The following PRKCE variants were observed in gnomAD, a reference collection of about 807,000 sequenced individuals.
PRKCE encodes protein kinase C epsilon, also known as protein kinase C epsilon type.
PRKCE carries 16 observed loss-of-function variants against 85.4 expected under a neutral mutation model. The observed-to-expected ratio is 0.19, with a 90% CI of 0.13 to 0.28. The LOEUF (loss-of-function observed/expected upper bound fraction) is 0.28, where lower values mean the gene tolerates loss of function less well. PRKCE is among the 10% of genes least tolerant of loss of function. The pLI, the probability that PRKCE is intolerant of heterozygous loss-of-function variation, is 1.00. For synonymous variants in PRKCE, 388 were observed against 371.5 expected, an observed-to-expected ratio of 1.04 and a Z score of -0.51; for missense variants, 573 against 975.2, an observed-to-expected ratio of 0.59 and a Z score of 5.49.
chr2:45,996,822 A>G (rs1704260138), intron 6 of PRKCE, among the ~76,000 whole-genome samples: 1 of 152,184 alleles, frequency 6.6e-6, no homozygotes, highest in Non-Finnish European at 1.5e-5. Context: ...CTTTGATATT[A>G]TGGTAATGGT....
At chr2:46,003,679 G>T (rs1375842515) in intron 7 of PRKCE, among the ~76,000 whole-genome samples, 1 of 152,218 alleles carries the variant, frequency 6.6e-6, no homozygotes, top group East Asian at 1.9e-4. Context: ...ACATTGCTTT[G>T]CATGAGATAA....
chr2:45,951,824 CTTTTG>C lies in PRKCE; in HGVS notation c.413-24585_413-24581del, dbSNP rs1030582106. Among the ~76,000 whole-genome samples, 13 of 152,276 alleles carry C rather than the reference CTTTTG, an allele frequency of 8.5e-5. No individual in the cohort carries two copies. The East Asian group carries it at 9.7e-4, about 11-fold the overall frequency. The stretch of plus-strand genomic sequence containing the variant: ...CTCAGTTGATCCAGACTCTCAGACT[CTTTTG>C]TTTTGTTTTGTTTTGTTTTTTGAGA... On this transcript the variant is annotated intron_variant, in intron 2 of 14. Coordinates refer to ENST00000306156, the MANE Select transcript of PRKCE (RefSeq NM_005400.3).
At chr2:45,737,786 G>T (rs1289725040) in intron 1 of PRKCE, among the ~76,000 whole-genome samples, 2 of 152,060 alleles carry the variant, frequency 1.3e-5, no homozygotes, top group Non-Finnish European at 1.5e-5. Context: ...TCCACCTGGG[G>T]CCTAAGACTC....
At chr2:46,069,011 A>C (rs1485951407) in intron 10 of PRKCE, among the ~76,000 whole-genome samples, 2 of 152,212 alleles carry the variant, frequency 1.3e-5, no homozygotes, top group Non-Finnish European at 2.9e-5. Flanking sequence ...GGAGTCCAGG[A>C]ATTATGCTAT....
chr2:45,988,786 A>G (rs1461695607), intron 6 of PRKCE, among the ~76,000 whole-genome samples: 1 of 152,224 alleles, frequency 6.6e-6, no homozygotes, highest in African/African-American at 2.4e-5. Flanking sequence ...CAGGAGCAGC[A>G]TCGCTAGTCT....
At chr2:45,803,187 A>G (rs1367932993) in intron 1 of PRKCE, among the ~76,000 whole-genome samples, 3 of 152,254 alleles carry the variant, frequency 2.0e-5, no homozygotes, top group Non-Finnish European at 2.9e-5. Context: ...AGCTTTGAAG[A>G]AAAAGGAGAA....
chr2:45,983,103 C>G lies in PRKCE; in HGVS notation c.694-1448C>G, dbSNP rs375476230. 1.3e-4 allele frequency among the ~76,000 whole-genome samples: 20 copies of G among 152,358 alleles called. 2 individuals are homozygous for G. Among genetic ancestry groups the G allele is most frequent in the African/African-American group, 4.8e-4 (20 of 41,580 alleles). The stretch of plus-strand genomic sequence containing the variant: ...GTGAGTATAGTTGTTTTCAGTAGAG[C>G]TGACATTCTTGTTCCCAGGCAAGAC... On this transcript the variant is annotated intron_variant, in intron 5 of 14. Coordinates refer to ENST00000306156, the MANE Select transcript of PRKCE (RefSeq NM_005400.3).
At chr2:45,725,730 C>T (rs907699507) in intron 1 of PRKCE, among the ~76,000 whole-genome samples, 2 of 151,944 alleles carry the variant, frequency 1.3e-5, no homozygotes, top group African/African-American at 4.8e-5. Context: ...ACTTGGGAGG[C>T]TGAGGCAGGA....
At chr2:46,054,787 G>A (rs1666399414) in intron 10 of PRKCE, among the ~76,000 whole-genome samples, 1 of 152,094 alleles carries the variant, frequency 6.6e-6, no homozygotes, top group Non-Finnish European at 1.5e-5. Flanking sequence ...ACCACCCATG[G>A]CCCGCCCCAC....
chr2:45,994,266 C>T (rs764496368), intron 6 of PRKCE, among the ~76,000 whole-genome samples: 1 of 152,112 alleles, frequency 6.6e-6, no homozygotes, highest in Non-Finnish European at 1.5e-5. Flanking sequence ...TATTTGTTAA[C>T]GGTCAGTGAA....
chr2:46,122,914 C>T (rs1302199506), intron 11 of PRKCE, among the ~76,000 whole-genome samples: 1 of 136,404 alleles, frequency 7.3e-6, no homozygotes, highest in Non-Finnish European at 1.5e-5. Context: ...TAGCAGTACA[C>T]CAACCAGCAC....
rs569513210 is a variant in PRKCE at position 45,857,769 on chromosome 2, A to C, written c.412+14706A>C. On this transcript the variant is annotated intron_variant, in intron 2 of 14. Transcript: ENST00000306156. ...CAATAAAGTATTCAAATAATTGTACAAACTCTTTAGGATCTAAGCTCTATC... is the reference window on the plus strand; with the variant it reads ...CAATAAAGTATTCAAATAATTGTACCAACTCTTTAGGATCTAAGCTCTATC... Among the ~76,000 whole-genome samples, 18 of 152,236 alleles carry C rather than the reference A, an allele frequency of 1.2e-4. No individual in the cohort carries two copies. In the South Asian group the frequency reaches 3.3e-3, roughly 28 times the overall value.
At chr2:46,021,548 A>G (rs148749491) in intron 10 of PRKCE, among the ~76,000 whole-genome samples, 27 of 152,174 alleles carry the variant, frequency 1.8e-4, no homozygotes, top group African/African-American at 6.5e-4. Flanking sequence ...TCCCTTTAGC[A>G]CTTAGAAACT....
chr2:46,082,701 G>T (rs1407066356), intron 10 of PRKCE, among the ~76,000 whole-genome samples: 2 of 152,180 alleles, frequency 1.3e-5, no homozygotes, highest in Non-Finnish European at 2.9e-5. Context: ...CCATGAGAGA[G>T]GCAGAGAAAA....
chr2:45,852,630 A>AC (rs1692364798), intron 2 of PRKCE, among the ~76,000 whole-genome samples: 1 of 152,202 alleles, frequency 6.6e-6, no homozygotes, highest in African/African-American at 2.4e-5. Context: ...GAGAGGGGTG[A>AC]TACTCAGGGC....
intron 2 of PRKCE, among the ~76,000 whole-genome samples, chr2:45,894,137 G>A (rs1036716093): frequency 1.3e-5 from 2 of 152,100 alleles, no homozygotes; most frequent in African/African-American, 4.8e-5. Context: ...GTGTTCAATA[G>A]TGCATGTCTG....
chr2:46,135,641 C>T (rs963877706), intron 11 of PRKCE, among the ~76,000 whole-genome samples: 3 of 150,908 alleles, frequency 2.0e-5, no homozygotes, highest in African/African-American at 7.3e-5. Flanking sequence ...GAGAGATTTT[C>T]CCTGGAGATT....
At chr2:45,700,686 C>T (rs1678561745) in intron 1 of PRKCE, 1 of 152,174 alleles carries the variant, frequency 6.6e-6, no homozygotes, top group Non-Finnish European at 1.5e-5. Flanking sequence ...CAGAAAAAGA[C>T]ATTGAAATCT....
intron 2 of PRKCE, among the ~76,000 whole-genome samples, chr2:45,957,080 T>C (rs545463078): frequency 1.2e-4 from 19 of 152,374 alleles, no homozygotes; most frequent in African/African-American, 4.1e-4. Flanking sequence ...TTTCCCATTT[T>C]GATACTTGTC....
Sources: allele counts gnomAD v4.1 joint callset (sites outside exome capture counted in the v4.1 genomes callset), GRCh38; gene constraint gnomAD v4.1.1; transcripts MANE v1.5; gene names NCBI Gene and HGNC (gene_info 2026-07-23, HGNC 2026-07-21).